COL28A1: variants seen among roughly 807,000 people sequenced by gnomAD.
The protein encoded by COL28A1 is collagen alpha-1(XXVIII) chain.
In COL28A1, 161 loss-of-function variants were observed where a neutral mutation model predicts 150.2. The ratio of observed to expected loss-of-function variants is 1.07; its 90% confidence interval spans 0.94 to 1.22. The LOEUF is 1.22. COL28A1 is among the 50% of genes most tolerant of loss of function. The pLI, the probability that COL28A1 is intolerant of heterozygous loss-of-function variation, is 0.00. For synonymous variants in COL28A1, 552 were observed against 469.7 expected (o/e 1.18, Z -2.26); for missense variants, 1,617 against 1,388.3 (o/e 1.16, Z -2.62).
At chr7:7,511,305 C>A (rs557556091) in intron 8 of COL28A1, among the ~76,000 whole-genome samples, 170 bp from the exon 9 acceptor site, 1 of 152,192 alleles carries the variant, frequency 6.6e-6, no homozygotes, top group African/African-American at 2.4e-5. Flanking sequence ...GCATTGAAAT[C>A]TGAATATTTT....
intron 27 of COL28A1, among the ~76,000 whole-genome samples, chr7:7,387,308 T>G (rs149028802): frequency 6.6e-5 from 10 of 152,106 alleles, no homozygotes; most frequent in African/African-American, 2.4e-4. Flanking sequence ...CACATAAAAC[T>G]GCATACTAAA....
intron 27 of COL28A1, among the ~76,000 whole-genome samples, chr7:7,397,156 A>G (rs1782883257): frequency 6.6e-6 from 1 of 152,220 alleles, no homozygotes; most frequent in African/African-American, 2.4e-5. Flanking sequence ...CAAGGTGTCA[A>G]CAGGGCTGGT....
chr7:7,358,186 T>C lies in COL28A1; in HGVS notation c.*447A>G, dbSNP rs1205161826. The C allele has an allele frequency of 1.3e-5, 2 of 152,704 alleles. No homozygotes were observed. Among genetic ancestry groups the C allele is most frequent in the African/African-American group, 4.8e-5 (2 of 41,456 alleles). The allele number at this position is 152,704 out of a possible 1,614,324, so 9.5% of individuals were successfully genotyped here. On this transcript the variant is annotated 3_prime_UTR_variant, in exon 35 of 35. Coordinates refer to ENST00000399429, the MANE Select transcript of COL28A1 (RefSeq NM_001037763.3). ...ATTTCTAATTCTCACACCGAAGTCC[T>C]TCCTATCACCTACATCTTGCTACTG...
chr7:7,506,586 C>G (rs1780823401), intron 10 of COL28A1, among the ~76,000 whole-genome samples: 1 of 152,076 alleles, frequency 6.6e-6, no homozygotes, highest in Non-Finnish European at 1.5e-5. Context: ...ACACAGAGCA[C>G]CATTATAACT....
chr7:7,489,358 T>G (rs755643098), intron 13 of COL28A1, 31 bp downstream of exon 13: 56 of 945,586 alleles, frequency 5.9e-5, no homozygotes, highest in Non-Finnish European at 9.2e-5. Context: ...TATTTGTCCT[T>G]TTCATTCCAT....
At chr7:7,343,553 A>T in the COL28A1 span, among the ~76,000 whole-genome samples, 2 of 152,140 alleles carry the variant, frequency 1.3e-5, no homozygotes, top group African/African-American at 4.8e-5. Flanking sequence ...AAAAAAATGC[A>T]CTCACTTCAA....
chr7:7,421,346 G>C (rs1235603525), intron 25 of COL28A1, among the ~76,000 whole-genome samples: 2 of 152,034 alleles, frequency 1.3e-5, no homozygotes, highest in Non-Finnish European at 2.9e-5. Context: ...TTTACTGGGG[G>C]GATAAAAATG....
chr7:7,470,819 G>A (rs1199614929), intron 15 of COL28A1, among the ~76,000 whole-genome samples: 1 of 129,126 alleles, frequency 7.7e-6, no homozygotes, highest in Admixed American at 7.7e-5. Context: ...TAGGGACATG[G>A]ATGAAATTGG....
chr7:7,499,887 T>C lies in COL28A1; in HGVS notation c.1026+6127A>G, dbSNP rs143910184. Among the ~76,000 whole-genome samples, 559 of 152,308 alleles carry C rather than the reference T, an allele frequency of 3.7e-3. 3 individuals carry two copies. The highest frequency in any genetic ancestry group is 6.1e-3 in the Non-Finnish European group (415 of 68,006). On this transcript the variant is annotated intron_variant, in intron 11 of 34. Transcript: ENST00000399429. ...ATTTTTAAAACTACTAAATCTTCAT[T>C]AGTGATTTCTATTCTAACGAAAATA...
chr7:7,359,272 G>A (rs1780505834), intron 34 of COL28A1, among the ~76,000 whole-genome samples: 2 of 131,490 alleles, frequency 1.5e-5, no homozygotes, highest in African/African-American at 2.8e-5. Context: ...CACTATCAAA[G>A]GAAAACTCTT....
chr7:7,524,988 C>T (rs1317866351), intron 3 of COL28A1, among the ~76,000 whole-genome samples: 1 of 152,054 alleles, frequency 6.6e-6, no homozygotes, highest in Non-Finnish European at 1.5e-5. Flanking sequence ...TTGAACTGTT[C>T]ATAGCAATAT....
At chr7:7,367,494 C>T (rs1780996813) in intron 33 of COL28A1, among the ~76,000 whole-genome samples, 1 of 152,146 alleles carries the variant, frequency 6.6e-6, no homozygotes, top group African/African-American at 2.4e-5. Flanking sequence ...AGGTCAAGTT[C>T]ATTGCAAGGT....
chr7:7,521,779 AT>A (rs1277885145), intron 5 of COL28A1, 125 bp downstream of exon 5: 25 of 685,968 alleles, frequency 3.6e-5, no homozygotes, highest in Non-Finnish European at 6.7e-5. Flanking sequence ...TAGCATTTCC[AT>A]TTTTCCTCCC....
At chr7:7,410,545 T>C (rs542602517) in intron 27 of COL28A1, among the ~76,000 whole-genome samples, 2 of 152,304 alleles carry the variant, frequency 1.3e-5, no homozygotes, top group Non-Finnish European at 2.9e-5. Flanking sequence ...GTCTATGCTA[T>C]GCCGTTAAGT....
chr7:7,385,429 A>G (rs889769532), intron 27 of COL28A1, among the ~76,000 whole-genome samples: 2 of 152,186 alleles, frequency 1.3e-5, no homozygotes, highest in African/African-American at 4.8e-5. Flanking sequence ...TAAACAGAGG[A>G]GCTGAGACTG....
At chr7:7,520,466 C>G (rs922268193) in intron 5 of COL28A1, among the ~76,000 whole-genome samples, 4 of 152,212 alleles carry the variant, frequency 2.6e-5, no homozygotes, top group African/African-American at 9.6e-5. Context: ...TTCCCAATCT[C>G]TCTTCATTGT....
rs538620473 is a variant in COL28A1 at position 7,360,499 on chromosome 7, A to G, written c.3096T>C (p.Asp1032=). The G allele has an allele frequency of 6.2e-7, 1 of 1,606,244 alleles. No homozygotes were observed. The highest frequency in any genetic ancestry group is 1.1e-5 in the South Asian group (1 of 89,284). Residue 1032 remains aspartate (D), a synonymous_variant, in exon 34 of 35, where the codon GAT becomes GAC. Coordinates refer to ENST00000399429, the MANE Select transcript of COL28A1 (RefSeq NM_001037763.3). ...SLSVTRDQDE[D]DKAPEPTWAD... is the part of the protein sequence containing the mutation. The stretch of plus-strand genomic sequence containing the variant: ...CCCACGTTGGCTCTGGAGCCTTATC[A>G]TCTTCATCCTGGTCTCTGGTGACAC...
At position 7,373,528 on chromosome 7, in the gene COL28A1, T is replaced by C; in HGVS notation, c.2378A>G (p.Lys793Arg). Residue 793 changes from lysine (K) to arginine (R), a missense_variant, in exon 32 of 35, where the codon AAA becomes AGA. Physicochemically the swap from Lys to Arg is conservative, Grantham distance 26 (BLOSUM62 2). Transcript: ENST00000399429. The surrounding 1 kb of genome is among the most constrained non-coding windows in gnomAD (Gnocchi z 4.1). ...AAACACCAGCTCTAGTGGAGTCTCT[T>C]TGCATTTGGGCCCACAACCTAAAAG... ...TEICGCGPKC[K>R]ETPLELVFVI... is the part of the protein sequence containing the mutation. 8 of 1,610,608 alleles carry C rather than the reference T, an allele frequency of 5.0e-6. No homozygotes were observed. Among genetic ancestry groups the C allele is most frequent in the Non-Finnish European group, 6.8e-6 (8 of 1,178,170 alleles).
chr7:7,452,489 A>T (rs1254757888), intron 17 of COL28A1, 102 bp from the exon 18 acceptor site: 88 of 1,439,256 alleles, frequency 6.1e-5, no homozygotes, highest in Non-Finnish European at 7.8e-5. Context: ...AAACAGTTTC[A>T]TGTGCTCAAT....
Sources: allele counts gnomAD v4.1 joint callset (sites outside exome capture counted in the v4.1 genomes callset), GRCh38; gene constraint gnomAD v4.1.1; non-coding constraint Gnocchi (gnomAD v3.1); transcripts MANE v1.5; gene names NCBI Gene and HGNC (gene_info 2026-07-23, HGNC 2026-07-21).